The following DPF3 variants were observed in gnomAD, a reference collection of about 807,000 sequenced individuals.
DPF3 encodes double PHD fingers 3, also known as zinc finger protein DPF3.
Under a neutral mutation model 56.8 loss-of-function variants are expected in DPF3, and 18 were observed. The observed-to-expected ratio is 0.32, with a 90% confidence interval of 0.22 to 0.47. The LOEUF is 0.47. Among genes scored for constraint, DPF3 ranks in the 20% least tolerant of loss-of-function variants. The pLI is 1.00. For synonymous variants in DPF3, 188 were observed against 180.2 expected, an observed-to-expected ratio of 1.04 and a Z score of -0.35; for missense variants, 403 against 488.8, an observed-to-expected ratio of 0.82 and a Z score of 1.65.
rs1484840768 is a variant in DPF3, at chr14:72,863,144, A to ATGTG, written c.32+30912_32+30913insCACA. ...TGTGTGTGTGTGTGTGTGTATATAT[A>ATGTG]TATGTGTGTGTGTGTGTGTGTGTGT... On this transcript the variant is annotated intron_variant, in intron 1 of 10. Coordinates refer to ENST00000556509, the MANE Select transcript of DPF3 (RefSeq NM_001280542.3). Among the ~76,000 whole-genome samples, 433 of 101,942 alleles carry ATGTG rather than the reference A, an allele frequency of 4.2e-3. 4 individuals carry two copies. The highest frequency in any genetic ancestry group is 0.013 in the Middle Eastern group (3 of 230). The allele number at this position is 101,942 out of a possible 152,430, so 66.9% of individuals were successfully genotyped here.
chr14:72,745,892 T>C (rs537362886), intron 3 of DPF3, among the ~76,000 whole-genome samples: 49 of 152,346 alleles, frequency 3.2e-4, no homozygotes, highest in African/African-American at 1.2e-3. Context: ...TTAACCCTCC[T>C]GAGGGAGGAC....
chr14:72,792,774 G>T (rs775136674), intron 1 of DPF3, among the ~76,000 whole-genome samples: 8 of 152,034 alleles, frequency 5.3e-5, no homozygotes, highest in Non-Finnish European at 1.0e-4. Flanking sequence ...ATGACCCAGT[G>T]TGGCCCAAAT....
At chr14:72,652,466 G>C (rs1056975420) in intron 8 of DPF3, among the ~76,000 whole-genome samples, 2 of 152,190 alleles carry the variant, frequency 1.3e-5, no homozygotes, top group Non-Finnish European at 2.9e-5. Flanking sequence ...GTGCTGGGGG[G>C]AGGCGGGGTA....
chr14:72,891,278 T>C (rs901485312), intron 1 of DPF3, among the ~76,000 whole-genome samples: 2 of 150,494 alleles, frequency 1.3e-5, no homozygotes, highest in African/African-American at 4.9e-5. Context: ...AACCTTTGTG[T>C]GACCATTTTC....
chr14:72,810,384 C>T (rs1990441), intron 1 of DPF3, among the ~76,000 whole-genome samples: 6 of 151,970 alleles, frequency 3.9e-5, no homozygotes, highest in South Asian at 2.1e-4. Context: ...AAGAGACGGG[C>T]GGAGAATGTG....
At chr14:72,698,179 T>C (rs1208572502) in intron 6 of DPF3, among the ~76,000 whole-genome samples, 1 of 152,214 alleles carries the variant, frequency 6.6e-6, no homozygotes, top group Non-Finnish European at 1.5e-5. Flanking sequence ...AGTCCGCAAT[T>C]TACAATGCTT....
chr14:72,643,268 ACTCT>A (rs1197113582), intron 8 of DPF3, among the ~76,000 whole-genome samples: 6 of 152,046 alleles, frequency 3.9e-5, no homozygotes, highest in African/African-American at 1.2e-4. Flanking sequence ...TATGTCACTG[ACTCT>A]CTCCATGCCT....
intron 7 of DPF3, among the ~76,000 whole-genome samples, chr14:72,683,696 C>T (rs1369962264): frequency 1.3e-5 from 2 of 152,194 alleles, no homozygotes; most frequent in African/African-American, 4.8e-5. Context: ...CGCAGGGCCT[C>T]ACAGGCTAGG....
intron 6 of DPF3, among the ~76,000 whole-genome samples, chr14:72,699,740 TGAG>T: frequency 6.6e-6 from 1 of 152,018 alleles, no homozygotes; most frequent in Non-Finnish European, 1.5e-5. Flanking sequence ...TAAAGAAAGA[TGAG>T]GAGATTCTGC....
At chr14:72,822,825 T>C (rs1883613771) in intron 1 of DPF3, among the ~76,000 whole-genome samples, 1 of 152,176 alleles carries the variant, frequency 6.6e-6, no homozygotes, top group Non-Finnish European at 1.5e-5. Context: ...CGTTGCATTA[T>C]ATCCCCTTTA....
intron 8 of DPF3, among the ~76,000 whole-genome samples, chr14:72,641,100 A>T (rs887171030): frequency 6.6e-6 from 1 of 152,228 alleles, no homozygotes; most frequent in African/African-American, 2.4e-5. Context: ...CAAGTGACAG[A>T]TGAAGTAAGA....
intron 9 of DPF3, among the ~76,000 whole-genome samples, chr14:72,625,431 A>AT (rs1366367795): frequency 6.6e-6 from 1 of 151,984 alleles, no homozygotes; most frequent in African/African-American, 2.4e-5. Context: ...ATATCCTTTC[A>AT]TTTTTTGAAC....
rs114753926 is a variant in DPF3, at chr14:72,723,802, A to G, written c.430-74T>C. On this transcript the variant is annotated intron_variant, in intron 4 of 10. Coordinates refer to ENST00000556509, the MANE Select transcript of DPF3 (RefSeq NM_001280542.3). Reference sequence around the variant, plus strand: ...GAAAAACCATCAGAGAGTAATTTTAAGGGTGTTCTGATTTGTTGTTATTTT... The same window carrying G: ...GAAAAACCATCAGAGAGTAATTTTAGGGGTGTTCTGATTTGTTGTTATTTT... The G allele has an allele frequency of 9.2e-4, 1,286 of 1,391,462 alleles. 13 individuals carry two copies. In the African/African-American group the frequency reaches 0.017, roughly 19 times the overall value. 86.2% of individuals were successfully genotyped at this position (1,391,462 alleles called of 1,614,324 possible).
chr14:72,653,323 G>A (rs1048871386), intron 8 of DPF3, among the ~76,000 whole-genome samples: 28 of 152,200 alleles, frequency 1.8e-4, no homozygotes, highest in Non-Finnish European at 2.9e-5. Context: ...GGGCCTCCAC[G>A]GAGTGGATGG....
At position 72,618,635 on chromosome 14, in the gene DPF3, C is replaced by T. The variant is rs1300266158; in HGVS notation, c.*662G>A. Among the ~76,000 whole-genome samples the T allele has an allele frequency of 2.0e-5, 3 of 152,108 alleles. No homozygotes were observed. The highest frequency in any genetic ancestry group is 4.4e-5 in the Non-Finnish European group (3 of 68,028). The stretch of plus-strand genomic sequence containing the variant: ...CACAATGTTTCCTCCCATGTCTCTG[C>T]GCGTCTCCCTCCCTCCCCGCCCCCA... On this transcript the variant is annotated 3_prime_UTR_variant, in exon 11 of 11. Transcript: ENST00000556509.
At position 72,819,511 on chromosome 14, in the gene DPF3, C is replaced by CA. The variant is rs200288803; in HGVS notation, c.33-47619dup. On this transcript the variant is annotated intron_variant, in intron 1 of 10. Coordinates refer to ENST00000556509, the MANE Select transcript of DPF3 (RefSeq NM_001280542.3). ...AAAATTCATATGATGAAAAACTCAG[C>CA]AAAAAAAAAGATGTTACTGCATTGG... Among the ~76,000 whole-genome samples, 886 of 145,594 alleles carry CA rather than the reference C, an allele frequency of 6.1e-3. 9 individuals carry two copies. Among genetic ancestry groups the CA allele is most frequent in the African/African-American group, 0.021 (835 of 39,652 alleles).
chr14:72,756,144 AG>A (rs1194242910), intron 2 of DPF3, among the ~76,000 whole-genome samples: 1 of 152,144 alleles, frequency 6.6e-6, no homozygotes, highest in Non-Finnish European at 1.5e-5. Flanking sequence ...CAAAGACAAG[AG>A]GGGAAACCAG....
intron 4 of DPF3, among the ~76,000 whole-genome samples, chr14:72,726,971 G>C (rs1889433534): frequency 6.6e-6 from 1 of 152,128 alleles, no homozygotes; most frequent in Admixed American, 6.5e-5. Flanking sequence ...GCAGGCAACA[G>C]GATCTTTATG....
intron 8 of DPF3, among the ~76,000 whole-genome samples, chr14:72,658,363 G>A (rs1199969191): frequency 6.6e-6 from 1 of 151,892 alleles, no homozygotes; most frequent in Non-Finnish European, 1.5e-5. Context: ...TAAAATTCCG[G>A]AAGGATTTTT....
Sources: allele counts gnomAD v4.1 joint callset (sites outside exome capture counted in the v4.1 genomes callset), GRCh38; gene constraint gnomAD v4.1.1; transcripts MANE v1.5; gene names NCBI Gene and HGNC (gene_info 2026-07-23, HGNC 2026-07-21).